TMTC2: variants seen among roughly 807,000 people sequenced by gnomAD.
TMTC2 encodes the protein transmembrane O-mannosyltransferase targeting cadherins 2.
In TMTC2, 43 loss-of-function variants were observed where a neutral mutation model predicts 82.4. The observed-to-expected ratio is 0.52, with a 90% CI of 0.41 to 0.67. TMTC2 has a LOEUF of 0.67. TMTC2 is among the 30% of genes least tolerant of loss of function. The probability of loss-of-function intolerance (pLI) is 0.00; values close to 1 mark genes in which losing one functional copy is unlikely to be tolerated. For missense variants in TMTC2, 919 were observed against 1,012.4 expected (o/e 0.91, Z 1.25); for synonymous variants, 408 against 381.9 (o/e 1.07, Z -0.80).
intron 11 of TMTC2, among the ~76,000 whole-genome samples, chr12:83,101,732 G>T (rs11115587): frequency 0.14 from 20,847 of 152,058 alleles, 1,573 homozygotes; most frequent in East Asian, 0.26. Context: ...AGGGTCCAGA[G>T]ATCTCTGGAT....
chr12:82,942,018 G>A (rs1190253648), intron 4 of TMTC2, among the ~76,000 whole-genome samples: 2 of 152,112 alleles, frequency 1.3e-5, no homozygotes, highest in East Asian at 3.9e-4. Context: ...TGGGATTACA[G>A]GCATGAGCCA....
chr12:82,949,050 G>C (rs1877197066), intron 4 of TMTC2, among the ~76,000 whole-genome samples: 1 of 152,060 alleles, frequency 6.6e-6, no homozygotes, highest in Admixed American at 6.5e-5. Context: ...AATATGTTTT[G>C]AATGAATAAA....
intron 8 of TMTC2, among the ~76,000 whole-genome samples, chr12:83,004,813 G>C (rs918509531): frequency 3.1e-5 from 4 of 127,226 alleles, no homozygotes; most frequent in Non-Finnish European, 6.3e-5. Context: ...CCAGTAGATG[G>C]TGCTTAAGAG....
intron 8 of TMTC2, among the ~76,000 whole-genome samples, chr12:83,003,933 C>T (rs574837407): frequency 2.0e-5 from 3 of 152,054 alleles, no homozygotes; most frequent in Admixed American, 1.3e-4. Flanking sequence ...GGAAAATTTT[C>T]GTGAACTCTT....
intron 1 of TMTC2, among the ~76,000 whole-genome samples, chr12:82,821,805 G>A (rs1381776695): frequency 2.0e-5 from 3 of 151,536 alleles, no homozygotes; most frequent in Non-Finnish European, 4.4e-5. Context: ...CCTGGGAGAC[G>A]GAGGTTGGAG....
chr12:83,071,993 G>T (rs897334370), intron 11 of TMTC2, among the ~76,000 whole-genome samples: 3 of 151,858 alleles, frequency 2.0e-5, no homozygotes, highest in Admixed American at 6.6e-5. Context: ...TTGTTTTATT[G>T]TTTCAATTTC....
At chr12:83,089,840 C>CAAAAAAA (rs1381824863) in intron 11 of TMTC2, among the ~76,000 whole-genome samples, 2 of 141,124 alleles carry the variant, frequency 1.4e-5, no homozygotes, top group African/African-American at 5.4e-5. Flanking sequence ...AAACAAAAAA[C>CAAAAAAA]AAAAAACAAA....
At chr12:82,800,898 AG>A (rs1285265924) in intron 1 of TMTC2, among the ~76,000 whole-genome samples, 2 of 152,292 alleles carry the variant, frequency 1.3e-5, no homozygotes, top group East Asian at 1.9e-4. Flanking sequence ...AACAACAAAG[AG>A]GGGGTTAAAT....
At position 82,930,555 on chromosome 12, in the gene TMTC2, C is replaced by A; in HGVS notation, c.1598+10C>A. The A allele has an allele frequency of 3.2e-6, 5 of 1,540,806 alleles. No individual in the cohort carries two copies. The highest frequency in any genetic ancestry group is 3.6e-6 in the Non-Finnish European group (4 of 1,123,874). Reference sequence around the variant, plus strand: ...ACATGCTTTATAATTTGTGAGTATGCCTTGCTTCTCTGGTTTGGTTCGTCT... The same window carrying A: ...ACATGCTTTATAATTTGTGAGTATGACTTGCTTCTCTGGTTTGGTTCGTCT... On this transcript the variant is annotated intron_variant, in intron 4 of 11. Coordinates refer to ENST00000321196, the MANE Select transcript of TMTC2 (RefSeq NM_152588.3).
intron 11 of TMTC2, among the ~76,000 whole-genome samples, chr12:83,128,683 C>T (rs1885169806): frequency 6.6e-6 from 1 of 152,110 alleles, no homozygotes; most frequent in Admixed American, 6.5e-5. Context: ...GTAGGCAGGG[C>T]CTGAAATTCT....
intron 1 of TMTC2, among the ~76,000 whole-genome samples, chr12:82,783,499 A>G (rs1015566748): frequency 6.6e-6 from 1 of 152,064 alleles, no homozygotes; most frequent in African/African-American, 2.4e-5. Flanking sequence ...AATGTGTCCC[A>G]GCTGTAAGAT....
rs769015867 is a variant in TMTC2 at position 82,687,479 on chromosome 12, T to C, written c.-108T>C. Reference sequence around the variant, plus strand: ...GGAGGGTGGGGAAGCGAGGGAAAAGTGAAGCTGGGAGGAGAAGGCGGCGGA... The same window carrying C: ...GGAGGGTGGGGAAGCGAGGGAAAAGCGAAGCTGGGAGGAGAAGGCGGCGGA... On this transcript the variant is annotated 5_prime_UTR_variant, in exon 1 of 12. Coordinates refer to ENST00000321196, the MANE Select transcript of TMTC2 (RefSeq NM_152588.3). The C allele has an allele frequency of 1.2e-5, 13 of 1,078,302 alleles. No individual in the cohort carries two copies. Among genetic ancestry groups the C allele is most frequent in the Non-Finnish European group, 1.8e-5 (13 of 734,726 alleles). 66.8% of individuals were successfully genotyped at this position (1,078,302 alleles called of 1,614,324 possible). A position where few individuals can be genotyped will look rare whatever the true frequency, so the allele number is the denominator to read the frequency against.
rs1356089555 is a variant in TMTC2 at position 82,687,667 on chromosome 12, C to T, written c.81C>T (p.Asp27=). 8.1e-6 allele frequency: 13 copies of T among 1,603,354 alleles called. No individual in the cohort carries two copies. Among genetic ancestry groups the T allele is most frequent in the Non-Finnish European group, 1.1e-5 (13 of 1,176,340 alleles). The stretch of plus-strand genomic sequence containing the variant: ...TGAGTGCGGATTTCTGCTATGATGA[C>T]AGGTAAGGGGCCGAGAGGAGGGGGC... ...NTLSADFCYD[D]SRAIKTNQDL... The change falls in exon 1 of 12, where the codon GAC becomes GAT. Residue 27 remains aspartate (D), a splice_region_variant and synonymous_variant. Coordinates refer to ENST00000321196, the MANE Select transcript of TMTC2 (RefSeq NM_152588.3).
intron 1 of TMTC2, among the ~76,000 whole-genome samples, chr12:82,742,448 T>A (rs2136954969): frequency 6.6e-6 from 1 of 152,100 alleles, no homozygotes. Context: ...CTGTATAGTG[T>A]TCAAATGAGA....
chr12:83,033,270 T>A (rs1881514956), intron 9 of TMTC2, among the ~76,000 whole-genome samples: 1 of 152,184 alleles, frequency 6.6e-6, no homozygotes, highest in Non-Finnish European at 1.5e-5. Flanking sequence ...AATGATTTTC[T>A]TTTAGAGGGA....
chr12:82,727,251 C>T (rs149003771), intron 1 of TMTC2, among the ~76,000 whole-genome samples: 26 of 151,888 alleles, frequency 1.7e-4, no homozygotes, highest in Admixed American at 5.9e-4. Flanking sequence ...TTTCCTTTTC[C>T]GTGTATGTAT....
intron 11 of TMTC2, among the ~76,000 whole-genome samples, chr12:83,116,992 A>T (rs1465521791): frequency 2.6e-5 from 4 of 152,122 alleles, no homozygotes. Context: ...TTGATCATGA[A>T]ATCCTTGCCT....
intron 1 of TMTC2, among the ~76,000 whole-genome samples, chr12:82,811,116 C>T (rs1272817624): frequency 6.6e-6 from 1 of 151,934 alleles, no homozygotes; most frequent in Non-Finnish European, 1.5e-5. Flanking sequence ...ATCCCAGCTA[C>T]TTGGGAGGCT....
At chr12:83,072,374 T>C (rs2137490052) in intron 11 of TMTC2, among the ~76,000 whole-genome samples, 1 of 152,316 alleles carries the variant, frequency 6.6e-6, no homozygotes, top group African/African-American at 2.4e-5. Context: ...GAGTGCTTGA[T>C]ATAATTTCAA....
Sources: allele counts gnomAD v4.1 joint callset (sites outside exome capture counted in the v4.1 genomes callset), GRCh38; gene constraint gnomAD v4.1.1; transcripts MANE v1.5; gene names NCBI Gene and HGNC (gene_info 2026-07-23, HGNC 2026-07-21).